The following RIMS2 variants were observed in gnomAD, a reference collection of about 807,000 sequenced individuals.
RIMS2 encodes regulating synaptic membrane exocytosis protein 2.
In RIMS2, 59 loss-of-function variants were observed where a neutral mutation model predicts 174.4. The observed-to-expected ratio is 0.34, with a 90% CI of 0.27 to 0.42. The LOEUF is 0.42. Among genes scored for constraint, RIMS2 ranks in the 10% least tolerant of loss-of-function variants. The pLI is 1.00. For synonymous variants in RIMS2, 606 were observed against 572.5 expected (o/e 1.06, Z -0.84); for missense variants, 1,620 against 1,666.3 (o/e 0.97, Z 0.48).
chr8:104,110,305 C>T (rs2098157330), intron 19 of RIMS2, among the ~76,000 whole-genome samples: 1 of 152,078 alleles, frequency 6.6e-6, no homozygotes, highest in Non-Finnish European at 1.5e-5. Context: ...CTTTTGAAGA[C>T]ATAAACTGTG....
At chr8:103,865,286 T>TTC (rs1271243613) in intron 3 of RIMS2, among the ~76,000 whole-genome samples, 3 of 139,172 alleles carry the variant, frequency 2.2e-5, no homozygotes, top group Non-Finnish European at 4.8e-5. Flanking sequence ...GTTTTTTTCT[T>TTC]TTTTTTTTTT....
chr8:104,080,132 G>A lies in RIMS2; in HGVS notation c.3334+65517G>A, dbSNP rs76917763. ...TGAGAAGATTGGGCTTCTAACTTTG[G>A]TTATGCCATTCATGTAATAAGACTT... On this transcript the variant is annotated intron_variant, in intron 19 of 23. Transcript: ENST00000504942. 9.4e-3 allele frequency among the ~76,000 whole-genome samples: 1,426 copies of A among 152,036 alleles called. 23 individuals are homozygous for A. The highest frequency in any genetic ancestry group is 0.032 in the African/African-American group (1,338 of 41,532).
intron 1 of RIMS2, among the ~76,000 whole-genome samples, chr8:103,691,749 G>A (rs753150428): frequency 1.2e-4 from 19 of 152,122 alleles, no homozygotes; most frequent in Admixed American, 4.6e-4. Flanking sequence ...GCTTGTGGGT[G>A]TTCTTTGGTT....
intron 1 of RIMS2, among the ~76,000 whole-genome samples, chr8:103,621,260 A>G (rs1396849241): frequency 6.6e-6 from 1 of 152,202 alleles, no homozygotes; most frequent in Non-Finnish European, 1.5e-5. Flanking sequence ...TACACTGAAC[A>G]AAGGAGACAG....
Position 103,587,428 on chromosome 8 carries a change from GAAAGAAAGAAAGAAA to G in RIMS2, c.176+86367_176+86381del, listed in dbSNP as rs1396974416. On this transcript the variant is annotated intron_variant, in intron 1 of 23. Transcript: ENST00000504942. ...AAAAAAGAAGAAAGAAAGAAAGAAA[GAAAGAAAGAAAGAAA>G]GAAAGAAAGAAAGAAAGAAAGAAAG... Among the ~76,000 whole-genome samples, 230 of 117,140 alleles carry G rather than the reference GAAAGAAAGAAAGAAA, an allele frequency of 2.0e-3. 4 individuals carry two copies. The highest frequency in any genetic ancestry group is 4.2e-3 in the Middle Eastern group (1 of 236). The allele number at this position is 117,140 out of a possible 152,430, so 76.8% of individuals were successfully genotyped here. A position where few individuals can be genotyped will look rare whatever the true frequency, so the allele number is the denominator to read the frequency against.
At chr8:104,023,101 G>T (rs1158761457) in intron 19 of RIMS2, among the ~76,000 whole-genome samples, 1 of 152,062 alleles carries the variant, frequency 6.6e-6, no homozygotes, top group Non-Finnish European at 1.5e-5. Context: ...GTTTAAGGGA[G>T]GACATTGTTT....
chr8:103,856,625 A>G (rs2154495212), intron 3 of RIMS2, among the ~76,000 whole-genome samples: 1 of 152,336 alleles, frequency 6.6e-6, no homozygotes, highest in South Asian at 2.1e-4. Context: ...TTATGCACAT[A>G]GTTTATGCCT....
At chr8:104,076,751 G>A (rs112130114) in intron 19 of RIMS2, among the ~76,000 whole-genome samples, 2,387 of 151,550 alleles carry the variant, frequency 0.016, 59 homozygotes, top group African/African-American at 0.053. Context: ...TAACATTCTT[G>A]TGCCTCAGTT....
At chr8:103,628,404 G>C (rs2095837645) in intron 1 of RIMS2, among the ~76,000 whole-genome samples, 1 of 150,314 alleles carries the variant, frequency 6.7e-6, no homozygotes, top group South Asian at 2.1e-4. Flanking sequence ...CCCAGGCCTG[G>C]AGTACAATGG....
rs573675844 is a variant in RIMS2 at position 103,587,902 on chromosome 8, G to C, written c.176+86840G>C. On this transcript the variant is annotated intron_variant, in intron 1 of 23. Transcript: ENST00000504942. ...ATTCAACATGGTACTGGAAGTCCTAGCTATAGCATTCAGACAGGAGAAGGA... is the reference window on the plus strand; with the variant it reads ...ATTCAACATGGTACTGGAAGTCCTACCTATAGCATTCAGACAGGAGAAGGA... Among the ~76,000 whole-genome samples, 30 of 152,110 alleles carry C rather than the reference G, an allele frequency of 2.0e-4. No individual in the cohort carries two copies. The South Asian group carries it at 5.6e-3, about 28-fold the overall frequency.
At chr8:103,708,239 C>T (rs1354576551) in intron 2 of RIMS2, among the ~76,000 whole-genome samples, 1 of 152,086 alleles carries the variant, frequency 6.6e-6, no homozygotes, top group Non-Finnish European at 1.5e-5. Flanking sequence ...TGAAGTGGAC[C>T]GGGATTTGGG....
intron 1 of RIMS2, among the ~76,000 whole-genome samples, chr8:103,631,169 G>A (rs958740752): frequency 6.6e-5 from 10 of 152,138 alleles, no homozygotes; most frequent in Admixed American, 5.9e-4. Flanking sequence ...AATTCCTTTG[G>A]TGTCTTTGCC....
chr8:103,780,902 G>C (rs2154433186), intron 3 of RIMS2, among the ~76,000 whole-genome samples: 1 of 151,728 alleles, frequency 6.6e-6, no homozygotes, highest in Non-Finnish European at 1.5e-5. Context: ...ATTCTTTTTA[G>C]TTTACCTGTT....
intron 18 of RIMS2, among the ~76,000 whole-genome samples, chr8:104,014,019 T>C (rs754019366): frequency 3.3e-5 from 5 of 152,198 alleles, no homozygotes; most frequent in Non-Finnish European, 5.9e-5. Context: ...TATTATGTAT[T>C]AACCAGTATT....
At chr8:103,986,106 A>T (rs2094341155) in intron 16 of RIMS2, among the ~76,000 whole-genome samples, 1 of 152,196 alleles carries the variant, frequency 6.6e-6, no homozygotes. Flanking sequence ...CACACAAAAG[A>T]ATAAATATTT....
In RIMS2 at chr8:104,013,293, T is replaced by A. The variant is rs191451034; in HGVS notation, c.3045-149T>A. The A allele has an allele frequency of 6.7e-5, 37 of 555,188 alleles. No homozygotes were observed. The Admixed American group carries it at 8.6e-4, about 13-fold the overall frequency. The allele number at this position is 555,188 out of a possible 1,614,324, so 34.4% of individuals were successfully genotyped here. A position where few individuals can be genotyped will look rare whatever the true frequency, so the allele number is the denominator to read the frequency against. ...AATTCTTAACAAGTTTCGTTTGAAA[T>A]TGCTCAGAATATGTTGGGGAAAAGA... On this transcript the variant is annotated intron_variant, in intron 17 of 23. Coordinates refer to ENST00000504942, the Ensembl canonical transcript of RIMS2.
chr8:103,956,240 G>GA lies in RIMS2; in HGVS notation c.2702-4819dup, dbSNP rs771025485. Among the ~76,000 whole-genome samples, 59 of 152,080 alleles carry GA rather than the reference G, an allele frequency of 3.9e-4. 1 individual carries two copies. The highest frequency in any genetic ancestry group is 1.3e-4 in the Non-Finnish European group (9 of 68,006). ...ACCATTGACTTTCTTCACAGAATTG[G>GA]AAAAAACTACTTTAAATTTCATATG... is the stretch of plus-strand genomic sequence containing the variant. On this transcript the variant is annotated intron_variant, in intron 14 of 23. Transcript: ENST00000504942.
At chr8:103,962,963 T>C (rs1008375097) in intron 15 of RIMS2, among the ~76,000 whole-genome samples, 21 of 152,188 alleles carry the variant, frequency 1.4e-4, no homozygotes, top group African/African-American at 4.8e-4. Flanking sequence ...TTATGGTATA[T>C]GTAGTTTTTT....
chr8:103,650,567 T>C (rs1489312028), intron 1 of RIMS2, among the ~76,000 whole-genome samples: 2 of 152,244 alleles, frequency 1.3e-5, no homozygotes, highest in Admixed American at 1.3e-4. Context: ...GCTTCATCCC[T>C]GAGAAAGATC....
Sources: gnomAD v4.1 joint callset for allele counts (sites outside exome capture counted in the v4.1 genomes callset) on GRCh38, gnomAD v4.1.1 for gene constraint, MANE v1.5 for transcripts, NCBI Gene and HGNC (gene_info 2026-07-23, HGNC 2026-07-21) for gene names.